Variants in DOCK6 observed in about 807,000 individuals in gnomAD.
The protein encoded by DOCK6 is dedicator of cytokinesis 6.
Under a neutral mutation model 230.3 loss-of-function variants are expected in DOCK6, and 167 were observed. The ratio of observed to expected loss-of-function variants is 0.73; its 90% CI spans 0.64 to 0.82. DOCK6 has a LOEUF of 0.82. DOCK6 is among the 40% of genes least tolerant of loss of function. The probability of loss-of-function intolerance (pLI) is 0.00; values close to 1 mark genes in which losing one functional copy is unlikely to be tolerated. For synonymous variants in DOCK6, 1,148 were observed against 1,185.0 expected (o/e 0.97, Z 0.64); for missense variants, 2,598 against 2,825.8 (o/e 0.92, Z 1.83).
chr19:11,226,504 C>G (rs1054510764), intron 24 of DOCK6, among the ~76,000 whole-genome samples: 1 of 152,052 alleles, frequency 6.6e-6, no homozygotes, highest in Non-Finnish European at 1.5e-5. Context: ...ACTGAAAATA[C>G]AAAATTAGCT....
At position 11,214,176 on chromosome 19, in the gene DOCK6, C is replaced by A. The variant is rs1341203969; in HGVS notation, c.4338+99G>T. 5 of 1,452,206 alleles carry A rather than the reference C, an allele frequency of 3.4e-6. No individual in the cohort carries two copies. In the African/African-American group the frequency reaches 4.2e-5, roughly 12 times the overall value. The allele number at this position is 1,452,206 out of a possible 1,614,324, so 90.0% of individuals were successfully genotyped here. A position where few individuals can be genotyped will look rare whatever the true frequency, so the allele number is the denominator to read the frequency against. ...CTGGCCTCAAGCGATCCTCCCACCTCAGCCTCCCAAAGTGCTGGGATTAGA... is the reference window on the plus strand; with the variant it reads ...CTGGCCTCAAGCGATCCTCCCACCTAAGCCTCCCAAAGTGCTGGGATTAGA... On this transcript the variant is annotated intron_variant, in intron 34 of 47. Coordinates refer to ENST00000294618, the MANE Select transcript of DOCK6 (RefSeq NM_020812.4).
intron 18 of DOCK6, 162 bp from the exon 19 acceptor site, chr19:11,237,041 T>TC: frequency 1.5e-6 from 1 of 671,890 alleles, no homozygotes; most frequent in Non-Finnish European, 2.5e-6. Flanking sequence ...ACTGAGAGGG[T>TC]CCACTGGGCA....
chr19:11,253,559 G>T, intron 2 of DOCK6, 80 bp downstream of exon 2: 5 of 955,626 alleles, frequency 5.2e-6, no homozygotes, highest in Non-Finnish European at 7.2e-6. Context: ...GAGGGGGTGG[G>T]ATAGAACCTA....
At position 11,217,013 on chromosome 19, in the gene DOCK6, C is replaced by A; in HGVS notation, c.3795G>T (p.Glu1265Asp). Residue 1265 changes from glutamate to aspartate, a missense_variant, in exon 30 of 48, where the codon GAG becomes GAT. Glu to Asp is a conservative substitution (Grantham distance 45, BLOSUM62 2). Transcript: ENST00000294618. ...ACVLWVLKNT[E>D]PALLQRWATD... ...TGGCCCAGCGCTGCAGGAGCGCCGGCTCGGTGTTTTTCAGCACCCACAGCA... is the reference window on the plus strand; with the variant it reads ...TGGCCCAGCGCTGCAGGAGCGCCGGATCGGTGTTTTTCAGCACCCACAGCA... The A allele has an allele frequency of 2.5e-6, 4 of 1,613,676 alleles. No individual in the cohort carries two copies. The highest frequency in any genetic ancestry group is 3.4e-6 in the Non-Finnish European group (4 of 1,179,904).
In DOCK6 at chr19:11,215,461, C is replaced by T. The variant is rs368920015; in HGVS notation, c.4032G>A (p.Pro1344=). The T allele has an allele frequency of 4.0e-5, 65 of 1,612,330 alleles. No individual in the cohort carries two copies. Among genetic ancestry groups the T allele is most frequent in the Admixed American group, 8.3e-5 (5 of 59,950 alleles). Residue 1344 remains proline, a synonymous_variant, in exon 32 of 48, where the codon CCG becomes CCA. Coordinates refer to ENST00000294618, the MANE Select transcript of DOCK6 (RefSeq NM_020812.4). The stretch of plus-strand genomic sequence containing the variant: ...AGCGCACATTCTCCGGATTCCCAAA[C>T]GGGCTCCTCTCTGAGACGCGTGGGT... ...EMVRRSRERS[P]FGNPENVRWR... is the part of the protein sequence containing the mutation.
chr19:11,236,955 T>C lies in DOCK6; in HGVS notation c.2074-76A>G. 7.0e-7 allele frequency: 1 copy of C among 1,431,538 alleles called. No homozygotes were observed. The highest frequency in any genetic ancestry group is 9.5e-7 in the Non-Finnish European group (1 of 1,057,536). The allele number at this position is 1,431,538 out of a possible 1,614,324, so 88.7% of individuals were successfully genotyped here. On this transcript the variant is annotated intron_variant, in intron 18 of 47. Transcript: ENST00000294618. This position sits in a 1 kb window ranked among gnomAD's most constrained non-coding sequence, Gnocchi z 5.2. ...CAGGTCACCCAGCGGCCCCAGCCATTGCGACACTGCAGCGTGAGTGTAGCC... is the reference window on the plus strand; with the variant it reads ...CAGGTCACCCAGCGGCCCCAGCCATCGCGACACTGCAGCGTGAGTGTAGCC...
Position 11,200,080 on chromosome 19 carries a change from G to A in DOCK6, c.6101+228C>T, listed in dbSNP as rs2079141828. On this transcript the variant is annotated intron_variant, in intron 47 of 47. Transcript: ENST00000294618. This position sits in a 1 kb window ranked among gnomAD's most constrained non-coding sequence, Gnocchi z 4.3. ...CAGGAGACTCGCTTGAATCTGGGAG[G>A]CGGAGGTTGCAGTGAGCCAAGACTG... Among the ~76,000 whole-genome samples, 1 of 151,714 alleles carries A rather than the reference G, an allele frequency of 6.6e-6. No homozygotes were observed. Among genetic ancestry groups the A allele is most frequent in the South Asian group, 2.1e-4 (1 of 4,796 alleles).
intron 39 of DOCK6, chr19:11,206,438 T>C (rs1600850882): frequency 6.7e-6 from 1 of 149,848 alleles, no homozygotes; most frequent in African/African-American, 2.5e-5. Context: ...GGTGTGGTGG[T>C]GCGCACTTAT....
rs2079215842 is a variant in DOCK6 at position 11,204,078 on chromosome 19, C to T, written c.5235+3G>A. 6 of 1,548,006 alleles carry T rather than the reference C, an allele frequency of 3.9e-6. No individual in the cohort carries two copies. Among genetic ancestry groups the T allele is most frequent in the Non-Finnish European group, 4.4e-6 (5 of 1,145,768 alleles). On this transcript the variant is annotated splice_donor_region_variant and intron_variant, in intron 41 of 47. Transcript: ENST00000294618. ...AGGTGGCTGTCCACCAAGGCTGACT[C>T]ACCTCCCAGCCGGAACTCTGTGGGG... is the stretch of plus-strand genomic sequence containing the variant.
chr19:11,215,164 C>T (rs755709371), intron 32 of DOCK6, among the ~76,000 whole-genome samples: 9 of 151,850 alleles, frequency 5.9e-5, no homozygotes, highest in Non-Finnish European at 1.0e-4. Flanking sequence ...AGGATGGTCT[C>T]GATCTCCTGA....
chr19:11,228,360 C>T (rs115978315), intron 23 of DOCK6, among the ~76,000 whole-genome samples: 5,336 of 152,016 alleles, frequency 0.035, 310 homozygotes, highest in African/African-American at 0.12. Flanking sequence ...TGCAGGTCTC[C>T]TGTCTAGGTG....
intron 35 of DOCK6, among the ~76,000 whole-genome samples, chr19:11,212,565 C>CT (rs111849239): frequency 4.7e-3 from 149 of 31,492 alleles, no homozygotes; most frequent in Middle Eastern, 0.017. Context: ...TTCTTTCTTT[C>CT]TTTTTTTTTT....
In DOCK6 at chr19:11,201,056, T is replaced by G. The variant is rs2079161380; in HGVS notation, c.5689-4A>C. The G allele has an allele frequency of 6.2e-7, 1 of 1,613,104 alleles. No homozygotes were observed. Among genetic ancestry groups the G allele is most frequent in the African/African-American group, 1.3e-5 (1 of 74,860 alleles). On this transcript the variant is annotated splice_polypyrimidine_tract_variant and splice_region_variant and intron_variant, in intron 44 of 47. Coordinates refer to ENST00000294618, the MANE Select transcript of DOCK6 (RefSeq NM_020812.4). This position sits in a 1 kb window ranked among gnomAD's most constrained non-coding sequence, Gnocchi z 4.3. ...CCTCCACTGGCGTCAGCACCGTCTG[T>G]GGGGTAAGGGGAGGGGTGTGTACTC...
chr19:11,215,496 C>T, intron 31 of DOCK6, 25 bp from the exon 32 acceptor site: 1 of 1,599,594 alleles, frequency 6.3e-7, no homozygotes, highest in East Asian at 2.2e-5. Flanking sequence ...TGCACGATCA[C>T]AGATGCGTAA....
In DOCK6 at chr19:11,202,521, A is replaced by G; in HGVS notation, c.5362-38T>C. The G allele has an allele frequency of 6.2e-7, 1 of 1,613,518 alleles. No individual in the cohort carries two copies. Among genetic ancestry groups the G allele is most frequent in the South Asian group, 1.1e-5 (1 of 91,082 alleles). ...GGCTGACTCGGGGCCACCCAGGGAC[A>G]GCCCCTACTCCAGCCCCAAGGCAGC... On this transcript the variant is annotated intron_variant, in intron 42 of 47. Transcript: ENST00000294618. This position sits in a 1 kb window ranked among gnomAD's most constrained non-coding sequence, Gnocchi z 5.3.
In DOCK6 at chr19:11,201,736, G is replaced by T. The variant is rs2079171281; in HGVS notation, c.5688+153C>A. On this transcript the variant is annotated intron_variant, in intron 44 of 47. Transcript: ENST00000294618. The surrounding 1 kb of genome is among the most constrained non-coding windows in gnomAD (Gnocchi z 4.3). ...GGTCTCCTCCCCTCCCCTCCCTGGG[G>T]ATCTGGTCTAGGGTCCCTGTGCCAC... Among the ~76,000 whole-genome samples the T allele has an allele frequency of 6.6e-6, 1 of 150,596 alleles. No individual in the cohort carries two copies. The highest frequency in any genetic ancestry group is 2.4e-5 in the African/African-American group (1 of 40,898).
At chr19:11,203,579 C>T (rs1321884222) in intron 41 of DOCK6, 1 of 159,030 alleles carries the variant, frequency 6.3e-6, no homozygotes, top group African/African-American at 2.4e-5. Context: ...TAAAAATAGA[C>T]CTAAGCAGGG....
chr19:11,221,697 G>C, intron 28 of DOCK6, 154 bp downstream of exon 28: 1 of 1,104,418 alleles, frequency 9.1e-7, no homozygotes, highest in Non-Finnish European at 1.3e-6. Flanking sequence ...GAGATGTTAT[G>C]ACTTAAGTAG....
At chr19:11,255,593 T>C (rs1568267698) in intron 1 of DOCK6, among the ~76,000 whole-genome samples, 1 of 151,964 alleles carries the variant, frequency 6.6e-6, no homozygotes, top group Non-Finnish European at 1.5e-5. Flanking sequence ...AATGAGTGAG[T>C]CCCTTCCAGT....
Sources: allele counts gnomAD v4.1 joint callset (sites outside exome capture counted in the v4.1 genomes callset), GRCh38; gene constraint gnomAD v4.1.1; non-coding constraint Gnocchi (gnomAD v3.1); transcripts MANE v1.5; gene names NCBI Gene and HGNC (gene_info 2026-07-23, HGNC 2026-07-21).